Variants in CSMD1 observed in about 807,000 individuals in gnomAD.
The protein encoded by CSMD1 is CUB and Sushi multiple domains 1, also known as CUB and sushi domain-containing protein 1.
CSMD1 carries 213 observed loss-of-function variants against 417.5 expected under a neutral mutation model. The observed-to-expected ratio is 0.51, with a 90% CI of 0.46 to 0.57. The LOEUF is 0.57. Among genes scored for constraint, CSMD1 ranks in the 20% least tolerant of loss-of-function variants. The pLI is 0.00. For missense variants in CSMD1, 6,923 were observed against 4,529.7 expected (o/e 1.53, Z -15.17); for synonymous variants, 2,862 against 1,736.8 (o/e 1.65, Z -16.11).
chr8:4,716,096 C>A (rs1269169404), intron 1 of CSMD1, among the ~76,000 whole-genome samples: 1 of 152,138 alleles, frequency 6.6e-6, no homozygotes, highest in African/African-American at 2.4e-5. Flanking sequence ...GGGGCAGGGA[C>A]TCTTAGTCGG....
At chr8:3,956,957 A>G (rs763237368) in intron 5 of CSMD1, among the ~76,000 whole-genome samples, 3 of 151,958 alleles carry the variant, frequency 2.0e-5, no homozygotes, top group Non-Finnish European at 2.9e-5. Flanking sequence ...CTTTTTCTAT[A>G]CGGAAAGGTT....
intron 1 of CSMD1, among the ~76,000 whole-genome samples, chr8:4,869,643 T>C (rs982876077): frequency 6.6e-6 from 1 of 152,074 alleles, no homozygotes; most frequent in African/African-American, 2.4e-5. Context: ...TTATATTCTC[T>C]GCTAATACAG....
rs114363561 is a variant in CSMD1, at chr8:3,233,020, A to G, written c.4154-2789T>C. Among the ~76,000 whole-genome samples the G allele has an allele frequency of 5.5e-3, 842 of 152,164 alleles. 5 individuals are homozygous for G. Among genetic ancestry groups the G allele is most frequent in the African/African-American group, 0.019 (786 of 41,528 alleles). ...CATACATTAAATATTATTGTTTGACATAGTTGACTGATGATTGTTTAAATT... is the reference window on the plus strand; with the variant it reads ...CATACATTAAATATTATTGTTTGACGTAGTTGACTGATGATTGTTTAAATT... On this transcript the variant is annotated intron_variant, in intron 26 of 69. Coordinates refer to ENST00000635120, the MANE Select transcript of CSMD1 (RefSeq NM_033225.6).
intron 5 of CSMD1, among the ~76,000 whole-genome samples, chr8:3,984,685 C>T (rs560645976): frequency 1.6e-5 from 2 of 127,638 alleles, no homozygotes; most frequent in East Asian, 2.3e-4. Context: ...TTTATGGGTT[C>T]AGGATTCAGT....
chr8:4,712,324 A>C (rs941081613), intron 1 of CSMD1, among the ~76,000 whole-genome samples: 1 of 152,218 alleles, frequency 6.6e-6, no homozygotes, highest in East Asian at 1.9e-4. Context: ...GGTCACTTCC[A>C]ACCACGCATT....
intron 4 of CSMD1, among the ~76,000 whole-genome samples, chr8:4,002,590 A>T (rs1815773535): frequency 6.6e-6 from 1 of 152,212 alleles, no homozygotes; most frequent in Non-Finnish European, 1.5e-5. Flanking sequence ...TTACTTGTGA[A>T]CTTATCTTCC....
chr8:4,312,533 T>C (rs933675903), intron 3 of CSMD1, among the ~76,000 whole-genome samples: 2 of 150,918 alleles, frequency 1.3e-5, no homozygotes, highest in African/African-American at 2.5e-5. Context: ...TTATTGAGAA[T>C]GATGAAATTG....
rs568628895 is a variant in CSMD1, at chr8:4,594,114, C to T, written c.302+43228G>A. Among the ~76,000 whole-genome samples the T allele has an allele frequency of 5.4e-4, 82 of 151,742 alleles. 1 individual carries two copies. In the South Asian group the frequency reaches 0.016, roughly 30 times the overall value. ...CTCTCTGTCTATGTGTCAAGTTTCC[C>T]CTTTTTATAAGGACACTGGTCATGT... On this transcript the variant is annotated intron_variant, in intron 2 of 69. Coordinates refer to ENST00000635120, the MANE Select transcript of CSMD1 (RefSeq NM_033225.6).
chr8:3,083,483 A>G (rs1339465507), intron 49 of CSMD1, among the ~76,000 whole-genome samples: 1 of 149,086 alleles, frequency 6.7e-6, no homozygotes, highest in African/African-American at 2.5e-5. Flanking sequence ...TATATTTTTG[A>G]GGCAGTCATC....
At chr8:4,168,858 G>A (rs1030594193) in intron 3 of CSMD1, among the ~76,000 whole-genome samples, 2 of 152,018 alleles carry the variant, frequency 1.3e-5, no homozygotes, top group Admixed American at 6.6e-5. Context: ...CACCACAGTT[G>A]CTTTAGACAC....
chr8:3,746,865 AATTGTCATCAC>A (rs1563335429), intron 6 of CSMD1, among the ~76,000 whole-genome samples: 1 of 152,202 alleles, frequency 6.6e-6, no homozygotes, highest in Non-Finnish European at 1.5e-5. Flanking sequence ...GGGGCTAAGA[AATTGTCATCAC>A]ATGGCCAGCC....
At chr8:3,090,977 T>C (rs1010244296) in intron 48 of CSMD1, among the ~76,000 whole-genome samples, 2 of 152,232 alleles carry the variant, frequency 1.3e-5, no homozygotes, top group African/African-American at 2.4e-5. Context: ...GATTACAGTA[T>C]ATAAAGGGCA....
intron 12 of CSMD1, among the ~76,000 whole-genome samples, chr8:3,443,910 A>G (rs1815146091): frequency 6.6e-6 from 1 of 152,214 alleles, no homozygotes; most frequent in Non-Finnish European, 1.5e-5. Context: ...CAACTGAGAA[A>G]TTATGAGATA....
At chr8:4,476,686 C>A (rs916342446) in intron 2 of CSMD1, among the ~76,000 whole-genome samples, 8 of 152,082 alleles carry the variant, frequency 5.3e-5, no homozygotes, top group African/African-American at 1.9e-4. Context: ...AGGTCAAATG[C>A]CAGTTCAAGT....
chr8:4,563,078 T>G (rs1201103044), intron 2 of CSMD1, among the ~76,000 whole-genome samples: 1 of 152,148 alleles, frequency 6.6e-6, no homozygotes. Context: ...ATTTCTCATA[T>G]GAATCTGGGT....
intron 2 of CSMD1, among the ~76,000 whole-genome samples, chr8:4,580,815 T>C (rs1269557459): frequency 6.6e-6 from 1 of 152,248 alleles, no homozygotes; most frequent in East Asian, 1.9e-4. Flanking sequence ...TCTTAAAAAG[T>C]TGTATCTTGT....
intron 1 of CSMD1, among the ~76,000 whole-genome samples, chr8:4,818,511 T>C (rs1799334581): frequency 6.6e-6 from 1 of 152,176 alleles, no homozygotes; most frequent in South Asian, 2.1e-4. Flanking sequence ...ATTAAATACA[T>C]ACGTATTAAG....
At chr8:4,861,879 G>C (rs1229271258) in intron 1 of CSMD1, among the ~76,000 whole-genome samples, 4 of 152,112 alleles carry the variant, frequency 2.6e-5, no homozygotes, top group East Asian at 3.9e-4. Flanking sequence ...CAGAGGAAGA[G>C]AGACAGAGGG....
At chr8:4,959,975 G>A (rs140348252) in intron 1 of CSMD1, among the ~76,000 whole-genome samples, 3 of 152,062 alleles carry the variant, frequency 2.0e-5, no homozygotes, top group Non-Finnish European at 4.4e-5. Context: ...AATGTATTTT[G>A]TTACTGACTT....
Sources: allele counts gnomAD v4.1 joint callset (sites outside exome capture counted in the v4.1 genomes callset), GRCh38; gene constraint gnomAD v4.1.1; transcripts MANE v1.5; gene names NCBI Gene and HGNC (gene_info 2026-07-23, HGNC 2026-07-21).